SAMD12: variants seen among roughly 807,000 people sequenced by gnomAD.
SAMD12 encodes sterile alpha motif domain containing 12, also known as sterile alpha motif domain-containing protein 12.
Under a neutral mutation model 15.0 loss-of-function variants are expected in SAMD12, and 9 were observed. The observed-to-expected ratio is 0.60, with a 90% CI of 0.36 to 1.05. The LOEUF is 1.05. SAMD12 is among the 50% of genes least tolerant of loss of function. The pLI is 0.01. For missense variants in SAMD12, 230 were observed against 234.2 expected, an observed-to-expected ratio of 0.98 and a Z score of 0.12; for synonymous variants, 86 against 90.1, an observed-to-expected ratio of 0.96 and a Z score of 0.25.
In SAMD12 at chr8:118,581,464, A is replaced by T. The variant is rs528805841; in HGVS notation, c.14-571T>A. Among the ~76,000 whole-genome samples the T allele has an allele frequency of 3.9e-5, 6 of 152,324 alleles. No homozygotes were observed. The South Asian group carries it at 1.0e-3, about 26-fold the overall frequency. On this transcript the variant is annotated intron_variant, in intron 1 of 3. Transcript: ENST00000314727. ...TCACAATGTAATAAAGGAGGCAAAC[A>T]AAAGGACTGGTGATTTTCAAACAGA...
At chr8:118,570,449 G>C (rs1826976204) in intron 2 of SAMD12, among the ~76,000 whole-genome samples, 1 of 152,108 alleles carries the variant, frequency 6.6e-6, no homozygotes, top group Non-Finnish European at 1.5e-5. Flanking sequence ...TTATAAGTGA[G>C]AACATGTTGT....
rs1253609579 is a variant in SAMD12 at position 118,366,905 on chromosome 8, AAAATAAAAT to A, written c.433+12646_433+12654del. ...ATAATAAAATAAAATAAAATAAAAT[AAAATAAAAT>A]AAAAATGAACAAAATGAAAAGGGGG... On this transcript the variant is annotated intron_variant, in intron 4 of 4. Coordinates refer to the SAMD12 transcript ENST00000409003. Among the ~76,000 whole-genome samples the A allele has an allele frequency of 5.1e-3, 488 of 94,886 alleles. 5 individuals are homozygous for A. The highest frequency in any genetic ancestry group is 7.4e-3 in the Non-Finnish European group (323 of 43,748). 62.2% of individuals were successfully genotyped at this position (94,886 alleles called of 152,430 possible).
At chr8:118,209,484 G>A (rs1296146205) in intron 4 of SAMD12, among the ~76,000 whole-genome samples, 1 of 152,198 alleles carries the variant, frequency 6.6e-6, no homozygotes, top group Non-Finnish European at 1.5e-5. Context: ...AAAGCACGTT[G>A]CTATAAAACT....
At chr8:118,453,349 C>T (rs987864312) in intron 2 of SAMD12, among the ~76,000 whole-genome samples, 1 of 152,138 alleles carries the variant, frequency 6.6e-6, no homozygotes, top group Admixed American at 6.6e-5. Flanking sequence ...ATTATTTCTT[C>T]TATCACATTC....
At chr8:118,588,443 T>C (rs1827504393) in intron 1 of SAMD12, among the ~76,000 whole-genome samples, 1 of 152,342 alleles carries the variant, frequency 6.6e-6, no homozygotes, top group Admixed American at 6.5e-5. Context: ...AAATAGTTTT[T>C]ACATTTTAAA....
chr8:118,296,887 C>G (rs1814741349), intron 4 of SAMD12, among the ~76,000 whole-genome samples: 1 of 152,196 alleles, frequency 6.6e-6, no homozygotes, highest in Non-Finnish European at 1.5e-5. Context: ...CTGTGCTAGG[C>G]ACTGTTCTAA....
chr8:118,179,273 A>G, the SAMD12 span, among the ~76,000 whole-genome samples: 2 of 152,068 alleles, frequency 1.3e-5, no homozygotes, highest in African/African-American at 2.4e-5. Flanking sequence ...TCCCATCTCT[A>G]CTAAAAATAC....
the SAMD12 span, among the ~76,000 whole-genome samples, chr8:118,140,652 G>T: frequency 6.6e-6 from 1 of 152,148 alleles, no homozygotes; most frequent in South Asian, 2.1e-4. Flanking sequence ...GAGGTGGAGG[G>T]CATCGTGTTT....
intron 2 of SAMD12, among the ~76,000 whole-genome samples, chr8:118,564,143 G>A (rs764823125): frequency 2.0e-4 from 31 of 152,236 alleles, no homozygotes; most frequent in Middle Eastern, 3.4e-3. Context: ...AAATAGGTCA[G>A]CTTCTTCAAA....
At chr8:118,165,614 G>GTATATATATATA in the SAMD12 span, among the ~76,000 whole-genome samples, 2 of 120,442 alleles carry the variant, frequency 1.7e-5, no homozygotes, top group South Asian at 2.5e-4. Context: ...ATATATATAT[G>GTATATATATATA]TATATATATA....
chr8:118,420,833 A>C (rs953978249), intron 3 of SAMD12, among the ~76,000 whole-genome samples: 2 of 152,202 alleles, frequency 1.3e-5, no homozygotes, highest in African/African-American at 4.8e-5. Context: ...ATTTGGGCAA[A>C]GGGAAGAAGA....
chr8:118,334,921 C>A (rs1297576993), intron 4 of SAMD12, among the ~76,000 whole-genome samples: 2 of 152,160 alleles, frequency 1.3e-5, no homozygotes, highest in African/African-American at 2.4e-5. Flanking sequence ...GCAATCATTG[C>A]TCTTTGTAAC....
At chr8:118,137,720 C>T in the SAMD12 span, among the ~76,000 whole-genome samples, 1 of 152,066 alleles carries the variant, frequency 6.6e-6, no homozygotes, top group Non-Finnish European at 1.5e-5. Context: ...TCTTAGGCCA[C>T]ACATAAAATA....
chr8:118,588,187 A>G (rs563804652), intron 1 of SAMD12, among the ~76,000 whole-genome samples: 2 of 152,154 alleles, frequency 1.3e-5, no homozygotes, highest in African/African-American at 4.8e-5. Context: ...TTTTGCATCA[A>G]TGAATGGGGA....
At position 118,488,957 on chromosome 8, in the gene SAMD12, T is replaced by C. The variant is rs189345821; in HGVS notation, c.193-48996A>G. On this transcript the variant is annotated intron_variant, in intron 2 of 3. Transcript: ENST00000314727. ...TTGTCAAACAGTTTTCTGAAGAGGT[T>C]GTACCAGTTTACACTTTAGCAAAAA... Among the ~76,000 whole-genome samples the C allele has an allele frequency of 2.5e-3, 379 of 152,348 alleles. 1 individual carries two copies. The highest frequency in any genetic ancestry group is 0.018 in the South Asian group (89 of 4,822).
At chr8:118,154,526 A>G in the SAMD12 span, among the ~76,000 whole-genome samples, 61 of 152,234 alleles carry the variant, frequency 4.0e-4, no homozygotes, top group Non-Finnish European at 7.3e-4. Flanking sequence ...GAGAAGCCCC[A>G]GGAAGAAAGA....
chr8:118,454,936 G>C (rs1823202392), intron 2 of SAMD12, among the ~76,000 whole-genome samples: 1 of 152,170 alleles, frequency 6.6e-6, no homozygotes, highest in East Asian at 1.9e-4. Context: ...TGTCCTAGAG[G>C]TTTCTTTATG....
intron 4 of SAMD12, among the ~76,000 whole-genome samples, chr8:118,358,167 C>A (rs73325642): frequency 0.029 from 4,401 of 152,098 alleles, 187 homozygotes; most frequent in African/African-American, 0.096. Context: ...CAAAACAAAA[C>A]AAACTTTCCT....
chr8:118,450,802 A>T (rs1380708121), intron 2 of SAMD12, among the ~76,000 whole-genome samples: 1 of 152,142 alleles, frequency 6.6e-6, no homozygotes, highest in Non-Finnish European at 1.5e-5. Context: ...AATGTGGCAG[A>T]GGTGGTGATG....
Sources: allele counts gnomAD v4.1 joint callset (sites outside exome capture counted in the v4.1 genomes callset), GRCh38; gene constraint gnomAD v4.1.1; transcripts MANE v1.5; gene names NCBI Gene and HGNC (gene_info 2026-07-23, HGNC 2026-07-21).